GATC: variants seen among roughly 807,000 people sequenced by gnomAD.
GATC encodes the protein glutamyl-tRNA amidotransferase subunit C, also known as glutamyl-tRNA(Gln) amidotransferase subunit C, mitochondrial.
Under a neutral mutation model 14.4 loss-of-function variants are expected in GATC, and 11 were observed. The observed-to-expected ratio is 0.77, with a 90% CI of 0.48 to 1.27. The LOEUF (loss-of-function observed/expected upper bound fraction) is 1.27, where lower values mean the gene tolerates loss of function less well. Ranked by LOEUF, GATC falls within the 50% of genes most tolerant of loss-of-function variation. GATC has a pLI of 0.00. For missense variants in GATC, 204 were observed against 183.0 expected (o/e 1.11, Z -0.66); for synonymous variants, 76 against 79.3 (o/e 0.96, Z 0.22).
rs1486834152 is a variant in GATC at position 120,446,800 on chromosome 12, GGA to G, written c.227_228del (p.Glu76AlafsTer25). The part of the protein sequence containing the change: ...RLRAVDTDGV[E>X]PMESVLEDRC... The stretch of plus-strand genomic sequence containing the variant: ...TACGCGCCGTGGACACAGACGGGGT[GGA>G]GCCCATGGAATCGGTCCTGGAGGAC... On this transcript the variant is annotated frameshift_variant, in exon 2 of 4. Coordinates refer to ENST00000551765, the MANE Select transcript of GATC (RefSeq NM_176818.3). LOFTEE classifies it high-confidence loss of function. 4 of 1,613,252 alleles carry G rather than the reference GGA, an allele frequency of 2.5e-6. No homozygotes were observed. The highest frequency in any genetic ancestry group is 3.4e-6 in the Non-Finnish European group (4 of 1,179,722).
chr12:120,461,925 C>A lies in GATC; in HGVS notation c.*1966C>A. ...AAAAAAAAAAAATTAAAAAAATTTC[C>A]TAAGACACTAAATCCTCAATCTGGA... On this transcript the variant is annotated 3_prime_UTR_variant, in exon 4 of 4. Transcript: ENST00000551765. 7.8e-7 allele frequency: 1 copy of A among 1,277,652 alleles called. No individual in the cohort carries two copies. Among genetic ancestry groups the A allele is most frequent in the South Asian group, 2.5e-5 (1 of 40,032 alleles). The allele number at this position is 1,277,652 out of a possible 1,614,324, so 79.1% of individuals were successfully genotyped here. A position where few individuals can be genotyped will look rare whatever the true frequency, so the allele number is the denominator to read the frequency against.
intron 3 of GATC, among the ~76,000 whole-genome samples, chr12:120,458,587 A>G (rs1878245852): frequency 6.6e-6 from 1 of 152,254 alleles, no homozygotes; most frequent in African/African-American, 2.4e-5. Context: ...AGTAAAATCC[A>G]GAACCTTGGA....
rs1041593573 is a variant in GATC at position 120,446,533 on chromosome 12, A to C, written c.53A>C (p.Gln18Pro). Residue 18 changes from glutamine to proline, a missense_variant, in exon 1 of 4, where the codon CAG becomes CCG. Physicochemically the swap from Gln to Pro is moderately conservative, Grantham distance 76. Coordinates refer to ENST00000551765, the MANE Select transcript of GATC (RefSeq NM_176818.3). ...LGLRAPLGGR[Q>P]GFTSKADPQG... ...CTTCGGGCCCCTCTGGGCGGGCGCC[A>C]GGGCTTCACCTCCAAGGCGGATCCT... 3.8e-6 allele frequency: 6 copies of C among 1,599,640 alleles called. No homozygotes were observed. The highest frequency in any genetic ancestry group is 5.1e-6 in the Non-Finnish European group (6 of 1,172,806).
At chr12:120,454,929 C>T in intron 2 of GATC, 1 of 403,736 alleles carries the variant, frequency 2.5e-6, no homozygotes, top group Non-Finnish European at 5.2e-6. Flanking sequence ...ACTCTGTCAC[C>T]CAGGTTGGAG....
intron 3 of GATC, among the ~76,000 whole-genome samples, chr12:120,459,373 A>G (rs1453950883): frequency 2.6e-5 from 4 of 152,190 alleles, no homozygotes; most frequent in East Asian, 1.9e-4. Context: ...TCCTATCTGC[A>G]TATTAGTGGC....
chr12:120,454,273 C>T (rs1878122151), intron 2 of GATC, among the ~76,000 whole-genome samples: 1 of 152,182 alleles, frequency 6.6e-6, no homozygotes, highest in African/African-American at 2.4e-5. Context: ...TGAATGCTGG[C>T]TCAGCATTAT....
At chr12:120,449,974 C>G (rs962309822) in intron 2 of GATC, among the ~76,000 whole-genome samples, 2 of 152,028 alleles carry the variant, frequency 1.3e-5, no homozygotes, top group African/African-American at 4.8e-5. Flanking sequence ...GTTGGTCAGG[C>G]TGGTCTCAAA....
chr12:120,449,245 A>C (rs1380060971), intron 2 of GATC, among the ~76,000 whole-genome samples: 2 of 151,936 alleles, frequency 1.3e-5, no homozygotes, highest in Non-Finnish European at 2.9e-5. Flanking sequence ...GGCGTGAGCC[A>C]CTGTGCCTGG....
At chr12:120,446,587 G>A (rs560470355) in intron 1 of GATC, 26 bp downstream of exon 1, 11 of 1,591,712 alleles carry the variant, frequency 6.9e-6, no homozygotes, top group Non-Finnish European at 9.4e-6. Flanking sequence ...ATCTAGGCGG[G>A]TGGCGGAGCA....
rs773018431 is a variant in GATC at position 120,457,209 on chromosome 12, T to C, written c.358+30T>C. On this transcript the variant is annotated intron_variant, in intron 3 of 3. Transcript: ENST00000551765. ...GTGCTGCCCAGAATGGTTTAACAGATAGTCTCACAGTAACCTTAGGAATGA... is the reference window on the plus strand; with the variant it reads ...GTGCTGCCCAGAATGGTTTAACAGACAGTCTCACAGTAACCTTAGGAATGA... 5 of 1,462,222 alleles carry C rather than the reference T, an allele frequency of 3.4e-6. No homozygotes were observed. In the South Asian group the frequency reaches 4.6e-5, roughly 13 times the overall value. 90.6% of individuals were successfully genotyped at this position (1,462,222 alleles called of 1,614,324 possible).
intron 2 of GATC, among the ~76,000 whole-genome samples, chr12:120,456,152 CTTATT>C (rs1878179250): frequency 6.6e-6 from 1 of 152,122 alleles, no homozygotes; most frequent in African/African-American, 2.4e-5. Flanking sequence ...TAACAGACTG[CTTATT>C]TTTTTAATCT....
chr12:120,456,537 T>G (rs1701159192), intron 2 of GATC, among the ~76,000 whole-genome samples: 1 of 152,232 alleles, frequency 6.6e-6, no homozygotes, highest in Admixed American at 6.5e-5. Flanking sequence ...CCCAGCCTGC[T>G]AAACTCCCTG....
At position 120,461,122 on chromosome 12, in the gene GATC, C is replaced by T. The variant is rs1308396514; in HGVS notation, c.*1163C>T. The T allele has an allele frequency of 6.6e-6, 1 of 151,928 alleles. No individual in the cohort carries two copies. Among genetic ancestry groups the T allele is most frequent in the Non-Finnish European group, 1.5e-5 (1 of 68,002 alleles). The allele number at this position is 151,928 out of a possible 1,614,324, so 9.4% of individuals were successfully genotyped here. On this transcript the variant is annotated 3_prime_UTR_variant, in exon 4 of 4. Coordinates refer to ENST00000551765, the MANE Select transcript of GATC (RefSeq NM_176818.3). The stretch of plus-strand genomic sequence containing the variant: ...TGCTCATTTTTTTAGTTTTCTGAGA[C>T]AGGGGTCTCCCTCTGTCACCCAGGC...
At position 120,460,249 on chromosome 12, in the gene GATC, C is replaced by T. The variant is rs921554391; in HGVS notation, c.*290C>T. On this transcript the variant is annotated 3_prime_UTR_variant, in exon 4 of 4. Coordinates refer to ENST00000551765, the MANE Select transcript of GATC (RefSeq NM_176818.3). ...GAAGACATTATTTATCTGCCTTTAACTCCCCCCAAAGGACCATACCAACTG... is the reference window on the plus strand; with the variant it reads ...GAAGACATTATTTATCTGCCTTTAATTCCCCCCAAAGGACCATACCAACTG... 7.6e-6 allele frequency: 2 copies of T among 264,712 alleles called. No homozygotes were observed. The highest frequency in any genetic ancestry group is 8.5e-5 in the East Asian group (1 of 11,806). The allele number at this position is 264,712 out of a possible 1,614,324, so 16.4% of individuals were successfully genotyped here. A position where few individuals can be genotyped will look rare whatever the true frequency, so the allele number is the denominator to read the frequency against.
intron 2 of GATC, among the ~76,000 whole-genome samples, chr12:120,452,835 T>C (rs1878088291): frequency 6.6e-6 from 1 of 151,948 alleles, no homozygotes; most frequent in South Asian, 2.1e-4. Context: ...GCTGAGACTA[T>C]AGGCACACGC....
chr12:120,453,306 C>G lies in GATC; in HGVS notation c.255-3770C>G, dbSNP rs898178408. Among the ~76,000 whole-genome samples the G allele has an allele frequency of 5.9e-5, 9 of 152,174 alleles. 1 individual carries two copies. Among genetic ancestry groups the G allele is most frequent in the Non-Finnish European group, 1.2e-4 (8 of 68,026 alleles). ...GTTATTGTTCCTGAGTTTTAACCAG[C>G]AGGGACTTCTAGTTTACAACTGAAG... On this transcript the variant is annotated intron_variant, in intron 2 of 3. Transcript: ENST00000551765.
chr12:120,457,826 C>CG (rs1432461993), intron 3 of GATC, among the ~76,000 whole-genome samples: 2 of 151,998 alleles, frequency 1.3e-5, no homozygotes, highest in Admixed American at 1.3e-4. Flanking sequence ...AGGATGGTCT[C>CG]GATCTCCCGA....
At position 120,455,049 on chromosome 12, in the gene GATC, G is replaced by A. The variant is rs561157551; in HGVS notation, c.255-2027G>A. 23 of 424,140 alleles carry A rather than the reference G, an allele frequency of 5.4e-5. 1 individual carries two copies. The highest frequency in any genetic ancestry group is 1.8e-4 in the South Asian group (11 of 60,866). The allele number at this position is 424,140 out of a possible 1,614,324, so 26.3% of individuals were successfully genotyped here. A position where few individuals can be genotyped will look rare whatever the true frequency, so the allele number is the denominator to read the frequency against. ...ATTACAGGTATGTACCACCATGCCC[G>A]GCTAACTTTTATATTTTTAGTAGAG... On this transcript the variant is annotated intron_variant, in intron 2 of 3. Coordinates refer to ENST00000551765, the MANE Select transcript of GATC (RefSeq NM_176818.3).
At chr12:120,457,645 T>C (rs1878223425) in intron 3 of GATC, among the ~76,000 whole-genome samples, 1 of 147,420 alleles carries the variant, frequency 6.8e-6, no homozygotes, top group Admixed American at 6.8e-5. Flanking sequence ...TCGCTCTTGT[T>C]GCCCAGGCTG....
Sources: gnomAD v4.1 joint callset for allele counts (sites outside exome capture counted in the v4.1 genomes callset) on GRCh38, gnomAD v4.1.1 for gene constraint, MANE v1.5 for transcripts, NCBI Gene and HGNC (gene_info 2026-07-23, HGNC 2026-07-21) for gene names.